The following DDX17 variants were observed in gnomAD, a reference collection of about 807,000 sequenced individuals.
The protein encoded by DDX17 is DEAD-box helicase 17.
A neutral mutation model predicts 80.8 loss-of-function variants in DDX17; 10 were observed. That is an observed-to-expected ratio of 0.12 (90% confidence interval 0.08 to 0.21). The LOEUF (loss-of-function observed/expected upper bound fraction) is 0.21, where lower values mean the gene tolerates loss of function less well. Among genes scored for constraint, DDX17 ranks in the 10% least tolerant of loss-of-function variants. The pLI is 1.00. For missense variants in DDX17, 586 were observed against 957.4 expected, an observed-to-expected ratio of 0.61 and a Z score of 5.12; for synonymous variants, 339 against 336.2, an observed-to-expected ratio of 1.01 and a Z score of -0.09.
intron 11 of DDX17, chr22:38,490,065 G>A: frequency 9.4e-7 from 1 of 1,069,484 alleles, no homozygotes; most frequent in East Asian, 8.0e-5. Flanking sequence ...GGGCAGACAT[G>A]ATGCAAGTTC....
intron 10 of DDX17, 33 bp downstream of exon 10, chr22:38,493,677 G>GA: frequency 6.6e-7 from 1 of 1,525,048 alleles, no homozygotes; most frequent in South Asian, 1.1e-5. Flanking sequence ...AGGGGGTGGG[G>GA]AATCAACAGA....
At chr22:38,500,886 T>C (rs2145708237) in intron 2 of DDX17, among the ~76,000 whole-genome samples, 1 of 143,052 alleles carries the variant, frequency 7.0e-6, no homozygotes, top group African/African-American at 2.6e-5. Flanking sequence ...ATCCTAGCAC[T>C]TTGAAAAGCT....
rs2089847683 is a variant in DDX17 at position 38,503,212 on chromosome 22, T to C, written c.288-1932A>G. ...TGAACAGACCAAAAGGCCACCTCAA[T>C]TGCCGCTCCCGCCACACTTGCAAAT... On this transcript the variant is annotated intron_variant, in intron 1 of 12. Coordinates refer to ENST00000403230, the MANE Select transcript of DDX17 (RefSeq NM_006386.5). Among the ~76,000 whole-genome samples the C allele has an allele frequency of 3.9e-5, 6 of 152,156 alleles. No individual in the cohort carries two copies. In the South Asian group the frequency reaches 1.0e-3, roughly 26 times the overall value.
intron 3 of DDX17, 139 bp downstream of exon 3, chr22:38,499,261 A>G: frequency 1.5e-6 from 1 of 665,228 alleles, no homozygotes; most frequent in East Asian, 2.7e-5. Flanking sequence ...AAATACTAGA[A>G]CAGAACTGAT....
chr22:38,500,986 A>AT, intron 2 of DDX17, 144 bp downstream of exon 2: 2 of 1,178,380 alleles, frequency 1.7e-6, no homozygotes. Context: ...AAAAAAAAAA[A>AT]AAATTAACCA....
intron 11 of DDX17, chr22:38,490,325 CACTAATAAGGAGGG>C: frequency 7.8e-7 from 1 of 1,287,162 alleles, no homozygotes; most frequent in Non-Finnish European, 1.0e-6. Flanking sequence ...AATCGCCAAT[CACTAATAAGGAGGG>C]ACTAAGTCTA....
chr22:38,497,094 G>A (rs981660963), intron 5 of DDX17, among the ~76,000 whole-genome samples: 3 of 147,708 alleles, frequency 2.0e-5, no homozygotes, highest in Non-Finnish European at 3.0e-5. Context: ...TCAGGAGTTC[G>A]AGACCAGTCT....
At chr22:38,497,548 G>A (rs975251988) in intron 5 of DDX17, among the ~76,000 whole-genome samples, 6 of 140,360 alleles carry the variant, frequency 4.3e-5, no homozygotes, top group African/African-American at 1.6e-4. Flanking sequence ...AACCTGGCAG[G>A]CGGAGGTTGC....
chr22:38,491,855 G>C (rs921055570), intron 11 of DDX17: 30 of 459,600 alleles, frequency 6.5e-5, no homozygotes, highest in Admixed American at 2.6e-4. Flanking sequence ...AAATAAAAGG[G>C]GGGTGGGGGA....
chr22:38,497,021 C>T lies in DDX17; in HGVS notation c.738+1064G>A, dbSNP rs564179391. On this transcript the variant is annotated intron_variant, in intron 5 of 12. Transcript: ENST00000403230. Reference sequence around the variant, plus strand: ...TATTTCTTAAAAAAGTTAAGTAGGCCGGGCGTGGTGGCTCACACCTGTAAT... The same window carrying T: ...TATTTCTTAAAAAAGTTAAGTAGGCTGGGCGTGGTGGCTCACACCTGTAAT... 4.2e-4 allele frequency among the ~76,000 whole-genome samples: 64 copies of T among 152,052 alleles called. 2 individuals carry two copies. In the South Asian group the frequency reaches 0.013, roughly 31 times the overall value.
chr22:38,488,732 C>T, intron 11 of DDX17: 2 of 986,142 alleles, frequency 2.0e-6, no homozygotes, highest in Non-Finnish European at 2.4e-6. Flanking sequence ...AAGTACACAC[C>T]TATTTTCCTT....
rs778793449 is a variant in DDX17, at chr22:38,486,127, G to C, written c.1998C>G (p.Thr666=). The change falls in exon 13 of 13, where the codon ACC becomes ACG. Residue 666 remains threonine (T), a synonymous_variant. Coordinates refer to ENST00000403230, the MANE Select transcript of DDX17 (RefSeq NM_006386.5). Reference sequence around the variant, plus strand: ...AGCTCTGTGAACTTCTCCCAGTTGAGGTGGTGCTACTAGCTCCATAAGTGC... The same window carrying C: ...AGCTCTGTGAACTTCTCCCAGTTGACGTGGTGCTACTAGCTCCATAAGTGC... 1.2e-6 allele frequency: 2 copies of C among 1,614,192 alleles called. No homozygotes were observed. Among genetic ancestry groups the C allele is most frequent in the Non-Finnish European group, 1.7e-6 (2 of 1,180,040 alleles).
In DDX17 at chr22:38,495,899, T is replaced by C. The variant is rs758816127; in HGVS notation, c.777A>G (p.Gln259=). The change falls in exon 6 of 13, where the codon CAA becomes CAG. Residue 259 remains glutamine, a synonymous_variant. Coordinates refer to ENST00000403230, the MANE Select transcript of DDX17 (RefSeq NM_006386.5). ...CATAGTCATCGGCCACCTGCTGTAC[T>C]TGCTGGGCAAGCTCTCTGGTAGGAG... 1 of 1,610,532 alleles carries C rather than the reference T, an allele frequency of 6.2e-7. No homozygotes were observed. Among genetic ancestry groups the C allele is most frequent in the South Asian group, 1.1e-5 (1 of 90,230 alleles).
chr22:38,491,754 C>A, intron 11 of DDX17: 1 of 281,384 alleles, frequency 3.6e-6, no homozygotes, highest in Non-Finnish European at 6.6e-6. Context: ...AGCCATTCAG[C>A]TGTCTGTCTC....
rs71702696 is a variant in DDX17 at position 38,500,974 on chromosome 22, G to GAAA, written c.438+153_438+155dup. On this transcript the variant is annotated intron_variant, in intron 2 of 12. Coordinates refer to ENST00000403230, the MANE Select transcript of DDX17 (RefSeq NM_006386.5). ...GGCGAAACCCGGTCTCTACAAAAAG[G>GAAA]AAAAAAAAAAAAAAATTAACCAAAA... Among the ~76,000 whole-genome samples, 92 of 140,274 alleles carry GAAA rather than the reference G, an allele frequency of 6.6e-4. 1 individual carries two copies. Among genetic ancestry groups the GAAA allele is most frequent in the Middle Eastern group, 7.2e-3 (2 of 276 alleles). 92.0% of individuals were successfully genotyped at this position (140,274 alleles called of 152,430 possible). A position where few individuals can be genotyped will look rare whatever the true frequency, so the allele number is the denominator to read the frequency against.
At chr22:38,493,822 A>C in intron 9 of DDX17, 51 bp from the exon 10 acceptor site, 1 of 1,574,510 alleles carries the variant, frequency 6.4e-7, no homozygotes, top group Non-Finnish European at 8.7e-7. Flanking sequence ...AAGTGGAGAA[A>C]ATCGAACTTT....
At chr22:38,493,928 T>G (rs908951331) in intron 9 of DDX17, 93 bp downstream of exon 9, 3 of 1,211,652 alleles carry the variant, frequency 2.5e-6, no homozygotes, top group Non-Finnish European at 3.6e-6. Flanking sequence ...TGGATAGGCA[T>G]TATTGAAATA....
chr22:38,496,902 T>C (rs1349674095), intron 5 of DDX17, among the ~76,000 whole-genome samples: 2 of 152,230 alleles, frequency 1.3e-5, no homozygotes, highest in Non-Finnish European at 2.9e-5. Flanking sequence ...CTGTCAGACA[T>C]ATACTATGTA....
At chr22:38,497,999 C>T in intron 5 of DDX17, 86 bp downstream of exon 5, 1 of 1,316,110 alleles carries the variant, frequency 7.6e-7, no homozygotes, top group Non-Finnish European at 1.1e-6. Context: ...GTTAAGAGTA[C>T]AAATGGATAA....
Sources: allele counts gnomAD v4.1 joint callset (sites outside exome capture counted in the v4.1 genomes callset), GRCh38; gene constraint gnomAD v4.1.1; transcripts MANE v1.5; gene names NCBI Gene and HGNC (gene_info 2026-07-23, HGNC 2026-07-21).